PRSS23: variants seen among roughly 807,000 people sequenced by gnomAD.
PRSS23 encodes protease, serine 23.
In PRSS23, 25 loss-of-function variants were observed where a neutral mutation model predicts 34.7. That is an observed-to-expected ratio of 0.72 (90% confidence interval 0.53 to 1.01). The LOEUF (loss-of-function observed/expected upper bound fraction) is 1.01. PRSS23 is among the 50% of genes least tolerant of loss of function. PRSS23 has a pLI of 0.00. For missense variants in PRSS23, 445 were observed against 475.6 expected (o/e 0.94, Z 0.60); for synonymous variants, 176 against 186.6 (o/e 0.94, Z 0.46).
intron 1 of PRSS23, chr11:86,821,353 T>A: frequency 1.2e-6 from 1 of 833,426 alleles, no homozygotes; most frequent in Non-Finnish European, 2.0e-6. Flanking sequence ...TAAGGTATAG[T>A]GATCCTAGTT....
chr11:86,798,280 A>G (rs1947994680), upstream of PRSS23, among the ~76,000 whole-genome samples: 1 of 152,252 alleles, frequency 6.6e-6, no homozygotes, highest in Non-Finnish European at 1.5e-5. Context: ...CATGCCAAGT[A>G]CTGCCTCTTG....
Position 86,928,956 on chromosome 11 carries a change from C to T in PRSS23, c.207-22260C>T, listed in dbSNP as rs191249992. ...TGTTCTGCAACACATGTAGGTGAGG[C>T]GCACTTAAACATTGTGGATGGGAAT... On this transcript the variant is annotated intron_variant, in intron 2 of 2. Coordinates refer to the PRSS23 transcript ENST00000533902. 3.4e-3 allele frequency among the ~76,000 whole-genome samples: 513 copies of T among 151,984 alleles called. 5 individuals carry two copies. The highest frequency in any genetic ancestry group is 0.011 in the African/African-American group (470 of 41,478).
intron 2 of PRSS23, among the ~76,000 whole-genome samples, chr11:86,887,413 C>CAAAAA (rs11325675): frequency 7.2e-6 from 1 of 138,220 alleles, no homozygotes. Flanking sequence ...CAAAACAAAA[C>CAAAAA]AAAAAAAAAA....
intron 2 of PRSS23, among the ~76,000 whole-genome samples, chr11:86,902,860 A>G (rs1156381991): frequency 1.3e-5 from 2 of 152,136 alleles, no homozygotes; most frequent in Non-Finnish European, 2.9e-5. Context: ...CGTAGTTAAG[A>G]TCTTGGATTG....
At chr11:86,819,884 A>C (rs1948240689) in intron 1 of PRSS23, among the ~76,000 whole-genome samples, 2 of 152,218 alleles carry the variant, frequency 1.3e-5, no homozygotes, top group South Asian at 4.1e-4. Flanking sequence ...CAATGTTTTC[A>C]TCCTTAGTGC....
At chr11:86,871,357 CATT>C (rs1176563453) in intron 2 of PRSS23, among the ~76,000 whole-genome samples, 2 of 152,196 alleles carry the variant, frequency 1.3e-5, no homozygotes, top group African/African-American at 4.8e-5. Context: ...CCTCTGGAAT[CATT>C]GTTCAGTTCT....
Position 86,808,183 on chromosome 11 carries a change from A to T in PRSS23, c.540A>T (p.Gly180=). 6.2e-7 allele frequency: 1 copy of T among 1,614,164 alleles called. No homozygotes were observed. The part of the protein sequence containing the change: ...VLTAAHCIHD[G]KTYVKGTQKL... ...CAGCTGCCCACTGCATACACGATGG[A>T]AAAACCTATGTGAAAGGAACCCAGA... The change falls in exon 2 of 2, where the codon GGA becomes GGT. Residue 180 remains glycine (G), a synonymous_variant. Coordinates refer to ENST00000280258, the MANE Select transcript of PRSS23 (RefSeq NM_007173.6).
upstream of PRSS23, among the ~76,000 whole-genome samples, chr11:86,796,140 C>A (rs1266979881): frequency 6.6e-5 from 10 of 152,256 alleles, no homozygotes; most frequent in East Asian, 1.9e-3. Context: ...ACTGATGCAA[C>A]CTCCTTATTG....
At chr11:86,950,993 G>A in intron 2 of PRSS23, 1 of 825,188 alleles carries the variant, frequency 1.2e-6, no homozygotes, top group Non-Finnish European at 2.0e-6. Flanking sequence ...GCTGGGGTCG[G>A]GGTGGGAGGC....
chr11:86,858,507 T>C (rs1368990572), intron 2 of PRSS23, among the ~76,000 whole-genome samples: 1 of 151,878 alleles, frequency 6.6e-6, no homozygotes, highest in Non-Finnish European at 1.5e-5. Context: ...ACCGCCCCTA[T>C]GATATTGTTC....
chr11:86,860,855 G>A (rs1394530107), intron 2 of PRSS23, among the ~76,000 whole-genome samples: 1 of 151,868 alleles, frequency 6.6e-6, no homozygotes, highest in East Asian at 1.9e-4. Context: ...TCCAGAGGGA[G>A]AGAGAATGAT....
At chr11:86,803,042 AT>A (rs1948058526) in intron 1 of PRSS23, among the ~76,000 whole-genome samples, 1 of 152,174 alleles carries the variant, frequency 6.6e-6, no homozygotes, top group South Asian at 2.1e-4. Flanking sequence ...GTGAAAAAAT[AT>A]TTTCTTACCT....
chr11:86,927,609 T>G (rs1949090349), intron 2 of PRSS23, among the ~76,000 whole-genome samples: 1 of 152,144 alleles, frequency 6.6e-6, no homozygotes, highest in Non-Finnish European at 1.5e-5. Flanking sequence ...GACCTCCCAA[T>G]GTGCTGGGAT....
At chr11:86,855,955 A>G (rs1020564483) in intron 2 of PRSS23, among the ~76,000 whole-genome samples, 1 of 152,226 alleles carries the variant, frequency 6.6e-6, no homozygotes, top group Admixed American at 6.5e-5. Context: ...ATAATACATC[A>G]TTGTGTGTGT....
chr11:86,905,400 G>T (rs757662672), intron 2 of PRSS23, among the ~76,000 whole-genome samples: 1 of 152,126 alleles, frequency 6.6e-6, no homozygotes, highest in Non-Finnish European at 1.5e-5. Flanking sequence ...CTCTTCCTAC[G>T]GCACATCATT....
chr11:86,838,073 CTTTT>C (rs34376720), intron 2 of PRSS23, among the ~76,000 whole-genome samples: 2 of 144,504 alleles, frequency 1.4e-5, no homozygotes, highest in Admixed American at 1.4e-4. Flanking sequence ...ACGGTACACT[CTTTT>C]TTTTTTTTCA....
intron 2 of PRSS23, chr11:86,933,117 G>A (rs10792887): frequency 0.62 from 95,027 of 152,108 alleles, 30,199 homozygotes; most frequent in Non-Finnish European, 0.69. Flanking sequence ...GACAGCTGGA[G>A]GTCGTCCTTT....
chr11:86,796,533 C>G (rs12796593), upstream of PRSS23, among the ~76,000 whole-genome samples: 1 of 148,760 alleles, frequency 6.7e-6, no homozygotes, highest in African/African-American at 2.5e-5. Flanking sequence ...CCCAGCTACT[C>G]GGGAGGCTGA....
intron 2 of PRSS23, among the ~76,000 whole-genome samples, chr11:86,826,154 C>A (rs1302282862): frequency 7.9e-5 from 12 of 151,672 alleles, no homozygotes; most frequent in South Asian, 4.2e-4. Context: ...CTTTTATTTC[C>A]TTGAGCAGTG....
Sources: gnomAD v4.1 joint callset for allele counts (sites outside exome capture counted in the v4.1 genomes callset) on GRCh38, gnomAD v4.1.1 for gene constraint, MANE v1.5 for transcripts, NCBI Gene and HGNC (gene_info 2026-07-23, HGNC 2026-07-21) for gene names.